The following ELMO1 variants were observed in gnomAD, a reference collection of about 807,000 sequenced individuals.
ELMO1 encodes the protein engulfment and cell motility protein 1.
ELMO1 carries 26 observed loss-of-function variants against 98.9 expected under a neutral mutation model. That is an observed-to-expected ratio of 0.26 (90% CI 0.19 to 0.36). The LOEUF (loss-of-function observed/expected upper bound fraction) is 0.36. Among genes scored for constraint, ELMO1 ranks in the 10% least tolerant of loss-of-function variants. The pLI is 1.00. For missense variants in ELMO1, 627 were observed against 935.2 expected (o/e 0.67, Z 4.30); for synonymous variants, 346 against 346.0 (o/e 1.00, Z 0.00).
chr7:37,163,864 G>A (rs1234720237), intron 13 of ELMO1, among the ~76,000 whole-genome samples: 6 of 152,146 alleles, frequency 3.9e-5, no homozygotes, highest in Non-Finnish European at 7.3e-5. Flanking sequence ...GTAATGGGAT[G>A]GCTGGGTTAA....
intron 13 of ELMO1, among the ~76,000 whole-genome samples, chr7:37,154,477 T>A (rs1356201832): frequency 6.6e-6 from 1 of 152,184 alleles, no homozygotes; most frequent in African/African-American, 2.4e-5. Flanking sequence ...TTAAATGACC[T>A]GATGGAGCTG....
chr7:37,214,816 G>A (rs1391177211), intron 11 of ELMO1, among the ~76,000 whole-genome samples: 2 of 152,162 alleles, frequency 1.3e-5, no homozygotes, highest in Non-Finnish European at 2.9e-5. Context: ...GTTCTTGCAG[G>A]AGAGTACCAA....
chr7:37,228,045 A>G (rs971968940), intron 8 of ELMO1, among the ~76,000 whole-genome samples: 2 of 152,226 alleles, frequency 1.3e-5, no homozygotes, highest in Non-Finnish European at 2.9e-5. Flanking sequence ...TTACAGTCCT[A>G]TGTACAAGTC....
intron 16 of ELMO1, among the ~76,000 whole-genome samples, chr7:36,926,364 C>T (rs1487396415): frequency 6.6e-6 from 1 of 152,222 alleles, no homozygotes. Context: ...TCACTCAACT[C>T]CCATCCCTCT....
intron 15 of ELMO1, among the ~76,000 whole-genome samples, chr7:37,037,982 G>C (rs1281489409): frequency 6.6e-6 from 1 of 152,122 alleles, no homozygotes; most frequent in Non-Finnish European, 1.5e-5. Context: ...GGATCACGGT[G>C]CCAACTTAAC....
chr7:37,362,845 A>G (rs908185014), intron 1 of ELMO1, among the ~76,000 whole-genome samples: 19 of 152,302 alleles, frequency 1.2e-4, no homozygotes, highest in African/African-American at 4.6e-4. Flanking sequence ...CTTGCAGGAT[A>G]AGGCCACAGC....
At chr7:37,354,758 A>G (rs545407419) in intron 1 of ELMO1, among the ~76,000 whole-genome samples, 78 of 152,204 alleles carry the variant, frequency 5.1e-4, no homozygotes, top group Admixed American at 1.3e-3. Context: ...GCTCGAGCCC[A>G]GTTCCCTATC....
chr7:36,874,619 G>A (rs1027002542), intron 19 of ELMO1, among the ~76,000 whole-genome samples: 21 of 152,266 alleles, frequency 1.4e-4, no homozygotes, highest in African/African-American at 4.1e-4. Context: ...GCCGCTCTTC[G>A]CATCCACTGG....
Position 37,118,249 on chromosome 7 carries a change from C to A in ELMO1, c.1191+14881G>T, listed in dbSNP as rs528538753. On this transcript the variant is annotated intron_variant, in intron 14 of 21. Coordinates refer to ENST00000310758, the MANE Select transcript of ELMO1 (RefSeq NM_014800.11). ...TACTTGGTTCCTGTTCCCTTCAATGCATACTGTTGTCCTGCGAGGGATCCA... is the reference window on the plus strand; with the variant it reads ...TACTTGGTTCCTGTTCCCTTCAATGAATACTGTTGTCCTGCGAGGGATCCA... 9.2e-5 allele frequency among the ~76,000 whole-genome samples: 14 copies of A among 152,302 alleles called. No homozygotes were observed. In the South Asian group the frequency reaches 2.7e-3, roughly 29 times the overall value.
At chr7:37,087,944 C>G (rs114064114) in intron 15 of ELMO1, among the ~76,000 whole-genome samples, 200 of 152,186 alleles carry the variant, frequency 1.3e-3, no homozygotes, top group African/African-American at 4.6e-3. Context: ...GAAGATGAGG[C>G]GAGGAATCAG....
At chr7:36,865,854 C>A (rs990852536) in intron 20 of ELMO1, among the ~76,000 whole-genome samples, 11 of 152,172 alleles carry the variant, frequency 7.2e-5, no homozygotes, top group African/African-American at 2.7e-4. Context: ...AGGAGATGCT[C>A]AATACATTGC....
chr7:37,384,287 T>A (rs890257300), intron 1 of ELMO1, among the ~76,000 whole-genome samples: 3 of 152,204 alleles, frequency 2.0e-5, no homozygotes, highest in Admixed American at 2.0e-4. Flanking sequence ...ACTATGCACA[T>A]GTAATTACCT....
chr7:36,905,736 C>G (rs1319334356), intron 16 of ELMO1, among the ~76,000 whole-genome samples: 3 of 152,136 alleles, frequency 2.0e-5, no homozygotes, highest in African/African-American at 4.8e-5. Context: ...CAATTCATCT[C>G]TATGTTTCTG....
chr7:37,035,304 G>T (rs1795117369), intron 15 of ELMO1, among the ~76,000 whole-genome samples: 1 of 152,134 alleles, frequency 6.6e-6, no homozygotes, highest in South Asian at 2.1e-4. Context: ...AAATTCTCCA[G>T]ATTTTGATCT....
intron 14 of ELMO1, among the ~76,000 whole-genome samples, chr7:37,125,283 A>G (rs918372850): frequency 1.3e-5 from 2 of 152,160 alleles, no homozygotes; most frequent in African/African-American, 4.8e-5. Flanking sequence ...AAAATTGACA[A>G]ATGGGATGTA....
intron 8 of ELMO1, among the ~76,000 whole-genome samples, 164 bp from the exon 9 acceptor site, chr7:37,225,194 T>TG (rs1273893040): frequency 6.6e-6 from 1 of 152,218 alleles, no homozygotes; most frequent in Non-Finnish European, 1.5e-5. Context: ...AACTAGGGAT[T>TG]GTTCATGATA....
At chr7:37,299,323 T>C (rs889763271) in intron 4 of ELMO1, among the ~76,000 whole-genome samples, 1 of 151,906 alleles carries the variant, frequency 6.6e-6, no homozygotes, top group African/African-American at 2.4e-5. Context: ...GCTTTTGGTG[T>C]TTTGGACATG....
intron 16 of ELMO1, among the ~76,000 whole-genome samples, chr7:36,963,200 A>G (rs973029847): frequency 6.6e-6 from 1 of 151,890 alleles, no homozygotes; most frequent in Non-Finnish European, 1.5e-5. Flanking sequence ...CAACACAGTG[A>G]AACCCTGTCT....
chr7:37,240,665 A>G (rs923085051), intron 7 of ELMO1, among the ~76,000 whole-genome samples: 4 of 152,102 alleles, frequency 2.6e-5, no homozygotes, highest in African/African-American at 9.7e-5. Context: ...AAATTTGGGT[A>G]TGTTGTATTT....
Sources: gnomAD v4.1 joint callset for allele counts (sites outside exome capture counted in the v4.1 genomes callset) on GRCh38, gnomAD v4.1.1 for gene constraint, MANE v1.5 for transcripts, NCBI Gene and HGNC (gene_info 2026-07-23, HGNC 2026-07-21) for gene names.